Variants in RDX observed in about 807,000 individuals in gnomAD.
RDX encodes radixin.
In RDX, 32 loss-of-function variants were observed where a neutral mutation model predicts 83.7. The ratio of observed to expected loss-of-function variants is 0.38; its 90% CI spans 0.29 to 0.51. The LOEUF is 0.51. Ranked by LOEUF, RDX falls within the 20% of genes least tolerant of loss-of-function variation. RDX has a pLI of 0.87. For missense variants in RDX, 600 were observed against 689.9 expected, an observed-to-expected ratio of 0.87 and a Z score of 1.46; for synonymous variants, 229 against 222.7, an observed-to-expected ratio of 1.03 and a Z score of -0.25.
chr11:110,208,765 T>A (rs1863698202), intron 14 of RDX, among the ~76,000 whole-genome samples: 1 of 152,138 alleles, frequency 6.6e-6, no homozygotes, highest in African/African-American at 2.4e-5. Flanking sequence ...AAGACCACCC[T>A]GGCCAACATG....
intron 7 of RDX, 124 bp downstream of exon 7, chr11:110,257,643 T>C: frequency 1.0e-6 from 1 of 973,858 alleles, no homozygotes; most frequent in African/African-American, 1.6e-5. Context: ...CATTAATTCA[T>C]CTTTTAGTTT....
Position 110,205,654 on chromosome 11 carries a change from GT to G in RDX, c.1749-5977del, listed in dbSNP as rs922315098. ...TGAAAGGCCTTTAAAGAAAAATTAT[GT>G]TATATTAGTAATTAACAAAATGCAA... On this transcript the variant is annotated intron_variant, in intron 14 of 15. Coordinates refer to the RDX transcript ENST00000528498. Among the ~76,000 whole-genome samples, 868 of 151,814 alleles carry G rather than the reference GT, an allele frequency of 5.7e-3. 10 individuals are homozygous for G. The highest frequency in any genetic ancestry group is 0.02 in the African/African-American group (834 of 41,260).
rs371687595 is a variant in RDX, at chr11:110,223,986, T to C, written c.1748+7887A>G. On this transcript the variant is annotated intron_variant, in intron 14 of 15. Coordinates refer to the RDX transcript ENST00000528498. ...GTTGTGGTGAGCCGAGATAGCGCCA[T>C]TGCACTCCAGCCTGGGCAACAAGAG... Among the ~76,000 whole-genome samples the C allele has an allele frequency of 1.1e-4, 16 of 151,150 alleles. No individual in the cohort carries two copies. The East Asian group carries it at 1.6e-3, about 15-fold the overall frequency.
At chr11:110,282,638 C>A (rs980272731) in intron 1 of RDX, among the ~76,000 whole-genome samples, 4 of 152,202 alleles carry the variant, frequency 2.6e-5, no homozygotes, top group South Asian at 4.1e-4. Flanking sequence ...TACTAAATGA[C>A]ATAGGAAGAT....
At chr11:110,216,450 G>A (rs921108399) in intron 14 of RDX, among the ~76,000 whole-genome samples, 5 of 151,120 alleles carry the variant, frequency 3.3e-5, no homozygotes, top group African/African-American at 1.2e-4. Flanking sequence ...ACAGCTTACT[G>A]CAGCCTCAAC....
chr11:110,219,237 CCAG>C (rs1380186345), intron 14 of RDX, among the ~76,000 whole-genome samples: 2 of 152,002 alleles, frequency 1.3e-5, no homozygotes, highest in Non-Finnish European at 2.9e-5. Flanking sequence ...AGGAGTTGGA[CCAG>C]CTGGCTGCTT....
At chr11:110,221,104 A>G (rs1341815675) in intron 14 of RDX, among the ~76,000 whole-genome samples, 1 of 152,110 alleles carries the variant, frequency 6.6e-6, no homozygotes. Flanking sequence ...ATTACAGGCT[A>G]AGCCCTTCTG....
downstream of RDX, among the ~76,000 whole-genome samples, chr11:110,226,136 C>T (rs1326786861): frequency 6.6e-6 from 1 of 151,384 alleles, no homozygotes; most frequent in Non-Finnish European, 1.5e-5. Context: ...TGGGTATGTA[C>T]CCCAAAGAAC....
intron 14 of RDX, chr11:110,200,481 C>A (rs1377119934): frequency 6.6e-6 from 1 of 152,202 alleles, no homozygotes; most frequent in Non-Finnish European, 1.5e-5. Context: ...GGGGAGAATA[C>A]TGGTTACAGT....
chr11:110,204,261 G>C (rs1159045548), intron 14 of RDX, among the ~76,000 whole-genome samples: 1 of 141,084 alleles, frequency 7.1e-6, no homozygotes, highest in Non-Finnish European at 1.5e-5. Context: ...TTTAAGGTCA[G>C]CAAAAAAAAA....
intron 14 of RDX, among the ~76,000 whole-genome samples, chr11:110,203,094 A>T (rs962172729): frequency 3.3e-5 from 5 of 152,162 alleles, no homozygotes; most frequent in Non-Finnish European, 7.4e-5. Flanking sequence ...AATAGCCAAG[A>T]TTTGGAAGCA....
chr11:110,212,875 T>C, intron 14 of RDX, among the ~76,000 whole-genome samples: 1 of 140,884 alleles, frequency 7.1e-6, no homozygotes, highest in African/African-American at 2.8e-5. Flanking sequence ...CCACAGCCAA[T>C]ATCATACTGA....
chr11:110,279,682 G>T lies in RDX; in HGVS notation c.11C>A (p.Pro4Gln). MPKPINVRVTTMDA... is the reference protein window; with the variant it reads MPKQINVRVTTMDA... ...TCAAATGTAATAAAATACACTTACT[G>T]GTTTCGGCATTTTCTTTCTCTTTTT... The change falls in exon 2 of 14, where the codon CCA (proline) becomes CAA (glutamine). Residue 4 changes from proline (P) to glutamine (Q), a missense_variant and splice_region_variant. Coordinates refer to ENST00000645495, the MANE Select transcript of RDX (RefSeq NM_002906.4). 1 of 1,526,466 alleles carries T rather than the reference G, an allele frequency of 6.6e-7. No homozygotes were observed. Among genetic ancestry groups the T allele is most frequent in the Non-Finnish European group, 9.1e-7 (1 of 1,102,900 alleles). The allele number at this position is 1,526,466 out of a possible 1,614,324, so 94.6% of individuals were successfully genotyped here. A position where few individuals can be genotyped will look rare whatever the true frequency, so the allele number is the denominator to read the frequency against.
chr11:110,227,349 A>G (rs556471645), downstream of RDX, among the ~76,000 whole-genome samples: 92 of 152,296 alleles, frequency 6.0e-4, no homozygotes, highest in Middle Eastern at 3.4e-3. Flanking sequence ...ATTTGGCTAT[A>G]CTGATTTAGT....
At chr11:110,256,078 T>C (rs988693948) in intron 7 of RDX, among the ~76,000 whole-genome samples, 1 of 152,156 alleles carries the variant, frequency 6.6e-6, no homozygotes, top group African/African-American at 2.4e-5. Context: ...AATAAGTGAT[T>C]TTGTTTCTGC....
At chr11:110,263,898 T>C (rs754720748) in intron 5 of RDX, 62 bp downstream of exon 5, 18 of 1,502,270 alleles carry the variant, frequency 1.2e-5, no homozygotes, top group Admixed American at 2.0e-5. Context: ...AAAAACGTTT[T>C]ATTTATAGAC....
intron 2 of RDX, chr11:110,272,917 A>G (rs755856220): frequency 3.0e-5 from 14 of 473,770 alleles, no homozygotes; most frequent in Non-Finnish European, 8.4e-6. Flanking sequence ...TCACCTAAGG[A>G]CACGTGGATA....
intron 14 of RDX, among the ~76,000 whole-genome samples, chr11:110,216,538 T>C (rs1864059488): frequency 8.0e-6 from 1 of 125,676 alleles, no homozygotes; most frequent in Middle Eastern, 3.6e-3. Context: ...ACCAATTTTT[T>C]TTCTTTTTTT....
At chr11:110,220,783 C>T (rs1483986725) in intron 14 of RDX, among the ~76,000 whole-genome samples, 1 of 151,504 alleles carries the variant, frequency 6.6e-6, no homozygotes, top group African/African-American at 2.4e-5. Context: ...CAGGCGTGAG[C>T]CACCACGCCT....
Sources: gnomAD v4.1 joint callset for allele counts (sites outside exome capture counted in the v4.1 genomes callset) on GRCh38, gnomAD v4.1.1 for gene constraint, MANE v1.5 for transcripts, NCBI Gene and HGNC (gene_info 2026-07-23, HGNC 2026-07-21) for gene names.